Variants in SLC15A1 observed in about 807,000 individuals in gnomAD.
SLC15A1 encodes solute carrier family 15 member 1.
Under a neutral mutation model 92.9 loss-of-function variants are expected in SLC15A1, and 83 were observed. That is an observed-to-expected ratio of 0.89 (90% CI 0.75 to 1.07). The LOEUF (loss-of-function observed/expected upper bound fraction) is 1.07. Among genes scored for constraint, SLC15A1 ranks in the 50% least tolerant of loss-of-function variants. The pLI, the probability that SLC15A1 is intolerant of heterozygous loss-of-function variation, is 0.00. For missense variants in SLC15A1, 857 were observed against 880.1 expected (o/e 0.97, Z 0.33); for synonymous variants, 322 against 318.2 (o/e 1.01, Z -0.13).
At chr13:98,715,777 A>C in intron 9 of SLC15A1, 101 bp downstream of exon 9, 1 of 946,948 alleles carries the variant, frequency 1.1e-6, no homozygotes, top group Non-Finnish European at 1.6e-6. Context: ...AACACTAAAA[A>C]TATATTTAAA....
At chr13:98,733,599 A>G (rs2088366785) in intron 1 of SLC15A1, among the ~76,000 whole-genome samples, 1 of 152,222 alleles carries the variant, frequency 6.6e-6, no homozygotes, top group Non-Finnish European at 1.5e-5. Flanking sequence ...TCCCTGCAAG[A>G]ACACAGCTTG....
chr13:98,684,184 G>A lies in SLC15A1; in HGVS notation c.*540C>T, dbSNP rs2087910757. ...GTACTCTAAGACAGTGTGTGTACGTGTGGCTTAAATAAGCCTTTCAAACAG... is the reference window on the plus strand; with the variant it reads ...GTACTCTAAGACAGTGTGTGTACGTATGGCTTAAATAAGCCTTTCAAACAG... On this transcript the variant is annotated 3_prime_UTR_variant, in exon 23 of 23. Coordinates refer to ENST00000376503, the MANE Select transcript of SLC15A1 (RefSeq NM_005073.4). 1 of 154,310 alleles carries A rather than the reference G, an allele frequency of 6.5e-6. No individual in the cohort carries two copies. The highest frequency in any genetic ancestry group is 2.0e-4 in the South Asian group (1 of 5,002). The allele number at this position is 154,310 out of a possible 1,614,324, so 9.6% of individuals were successfully genotyped here.
chr13:98,687,811 A>G, intron 20 of SLC15A1, 87 bp from the exon 21 acceptor site: 1 of 1,461,834 alleles, frequency 6.8e-7, no homozygotes, highest in Non-Finnish European at 9.4e-7. Context: ...TTGACCTTCT[A>G]GGATTACATC....
chr13:98,703,756 C>T (rs888621691), intron 17 of SLC15A1, among the ~76,000 whole-genome samples: 3 of 151,856 alleles, frequency 2.0e-5, no homozygotes, highest in Non-Finnish European at 4.4e-5. Context: ...AGGGGTCTCA[C>T]TGCGTTGTCC....
chr13:98,713,333 G>A, intron 9 of SLC15A1, among the ~76,000 whole-genome samples: 1 of 151,988 alleles, frequency 6.6e-6, no homozygotes, highest in East Asian at 1.9e-4. Flanking sequence ...AAGTGCTGGA[G>A]TGGCATTAGC....
At chr13:98,711,131 T>C (rs1347581537) in intron 11 of SLC15A1, among the ~76,000 whole-genome samples, 1 of 152,156 alleles carries the variant, frequency 6.6e-6, no homozygotes, top group Non-Finnish European at 1.5e-5. Flanking sequence ...CTTATCCCTA[T>C]CACCATCCTC....
intron 15 of SLC15A1, among the ~76,000 whole-genome samples, chr13:98,707,551 T>C (rs1477973562): frequency 2.0e-5 from 3 of 151,906 alleles, no homozygotes; most frequent in African/African-American, 7.3e-5. Flanking sequence ...AGATGAAGAG[T>C]TCTGAAGGTT....
intron 1 of SLC15A1, among the ~76,000 whole-genome samples, chr13:98,748,693 G>A (rs141869279): frequency 1.9e-3 from 285 of 152,298 alleles, no homozygotes; most frequent in Non-Finnish European, 3.7e-3. Flanking sequence ...ACATGGACAA[G>A]CCAGGGCCCA....
chr13:98,708,885 A>G, intron 14 of SLC15A1, 118 bp from the exon 15 acceptor site: 3 of 597,546 alleles, frequency 5.0e-6, no homozygotes, highest in Non-Finnish European at 2.8e-6. Flanking sequence ...ATGGGCTTGA[A>G]AGCACCTCTC....
At chr13:98,718,855 C>T (rs2088231972) in intron 8 of SLC15A1, among the ~76,000 whole-genome samples, 1 of 152,164 alleles carries the variant, frequency 6.6e-6, no homozygotes, top group Admixed American at 6.5e-5. Context: ...GTTGCCTAGG[C>T]TGGACTTGAA....
Position 98,688,341 on chromosome 13 carries a change from T to C in SLC15A1, c.1590A>G (p.Ile530Met). The C allele has an allele frequency of 6.2e-7, 1 of 1,613,776 alleles. No individual in the cohort carries two copies. The highest frequency in any genetic ancestry group is 8.5e-7 in the Non-Finnish European group (1 of 1,179,878). ...ATTGTGGCGGAATCTCTGTTGAGCTTATTGTGAAGCCTTTTCTATCAAAAT... is the reference window on the plus strand; with the variant it reads ...ATTGTGGCGGAATCTCTGTTGAGCTCATTGTGAAGCCTTTTCTATCAAAAT... ...FFPSGIKGFT[I>M]SSTEIPPQCQ... Residue 530 changes from isoleucine to methionine, a missense_variant, in exon 20 of 23, where the codon ATA (isoleucine) becomes ATG (methionine). Ile to Met is a conservative substitution (Grantham distance 10). Transcript: ENST00000376503.
intron 16 of SLC15A1, among the ~76,000 whole-genome samples, chr13:98,704,895 A>G (rs962366625): frequency 3.9e-5 from 6 of 152,042 alleles, no homozygotes; most frequent in African/African-American, 1.4e-4. Context: ...GACTGGCTAA[A>G]TCTCAACATC....
intron 1 of SLC15A1, among the ~76,000 whole-genome samples, chr13:98,744,783 G>T (rs369253603): frequency 2.9e-4 from 40 of 137,774 alleles, no homozygotes; most frequent in African/African-American, 1.1e-3. Context: ...GGCAAAAACC[G>T]CAATTACTTT....
intron 15 of SLC15A1, among the ~76,000 whole-genome samples, chr13:98,708,080 A>G (rs1301534179): frequency 6.6e-6 from 1 of 151,574 alleles, no homozygotes; most frequent in African/African-American, 2.4e-5. Context: ...ATAAACAAAG[A>G]TATTAAAAGG....
At chr13:98,688,935 C>T (rs1278018192) in intron 18 of SLC15A1, among the ~76,000 whole-genome samples, 3 of 152,146 alleles carry the variant, frequency 2.0e-5, no homozygotes, top group Non-Finnish European at 4.4e-5. Context: ...TTCCTTGTTT[C>T]AGAAACTTTA....
intron 7 of SLC15A1, chr13:98,721,066 C>T (rs575434782): frequency 2.2e-6 from 1 of 461,704 alleles, no homozygotes. Flanking sequence ...CAAAACAAAA[C>T]AAACAAAAAA....
intron 1 of SLC15A1, among the ~76,000 whole-genome samples, chr13:98,752,357 T>A (rs976346884): frequency 6.6e-6 from 1 of 151,902 alleles, no homozygotes; most frequent in African/African-American, 2.4e-5. Flanking sequence ...CGGGCCAGGA[T>A]CGCAACCTCG....
At chr13:98,739,099 G>A (rs1237902336) in intron 1 of SLC15A1, among the ~76,000 whole-genome samples, 1 of 152,336 alleles carries the variant, frequency 6.6e-6, no homozygotes, top group South Asian at 2.1e-4. Flanking sequence ...CCTGGGTGGG[G>A]CCTGTAGCCC....
chr13:98,718,376 A>C (rs908222614), intron 8 of SLC15A1, among the ~76,000 whole-genome samples: 1 of 120,508 alleles, frequency 8.3e-6, no homozygotes, highest in African/African-American at 3.4e-5. Flanking sequence ...TTGCAGTGTT[A>C]TGGTGCAATC....
Sources: allele counts gnomAD v4.1 joint callset (sites outside exome capture counted in the v4.1 genomes callset), GRCh38; gene constraint gnomAD v4.1.1; transcripts MANE v1.5; gene names NCBI Gene and HGNC (gene_info 2026-07-23, HGNC 2026-07-21).